The following COL18A1 variants were observed in gnomAD, a reference collection of about 807,000 sequenced individuals.
The protein encoded by COL18A1 is collagen type XVIII alpha 1 chain, also known as collagen alpha-1(XVIII) chain.
Under a neutral mutation model 168.0 loss-of-function variants are expected in COL18A1, and 133 were observed. The ratio of observed to expected loss-of-function variants is 0.79; its 90% CI spans 0.69 to 0.91. COL18A1 has a LOEUF of 0.91. COL18A1 is among the 40% of genes least tolerant of loss of function. The pLI is 0.00. For synonymous variants in COL18A1, 949 were observed against 809.0 expected (o/e 1.17, Z -2.94); for missense variants, 2,126 against 1,925.4 (o/e 1.10, Z -1.95).
chr21:45,482,228 G>T (rs950895682), intron 14 of COL18A1: 8 of 623,896 alleles, frequency 1.3e-5, no homozygotes, highest in Non-Finnish European at 2.3e-5. Flanking sequence ...ACCCTGTGAT[G>T]ATGAGTGGAC....
rs1290620627 is a variant in COL18A1, at chr21:45,453,943, G to A, written c.107-14299G>A. Among the ~76,000 whole-genome samples the A allele has an allele frequency of 2.6e-5, 4 of 152,198 alleles. 1 individual carries two copies. The highest frequency in any genetic ancestry group is 1.3e-4 in the Admixed American group (2 of 15,286). ...GAGCCTTCGGGATGGGGCTGGGGGT[G>A]TCCCCCACAACAGAGTTCCCTTCCT... is the stretch of plus-strand genomic sequence containing the variant. On this transcript the variant is annotated intron_variant, in intron 2 of 41. Coordinates refer to ENST00000651438, the MANE Select transcript of COL18A1 (RefSeq NM_001379500.1).
chr21:45,487,071 T>G, intron 16 of COL18A1, 79 bp downstream of exon 16: 1 of 1,344,714 alleles, frequency 7.4e-7, no homozygotes, highest in Non-Finnish European at 9.9e-7. Flanking sequence ...GGCATCTCAC[T>G]CACAGAGCAG....
chr21:45,456,722 G>A (rs892435081), intron 2 of COL18A1: 81 of 1,533,506 alleles, frequency 5.3e-5, no homozygotes, highest in Non-Finnish European at 6.6e-5. Flanking sequence ...CCCCCCATGC[G>A]GCAGCGTCCC....
intron 7 of COL18A1, 61 bp from the exon 8 acceptor site, chr21:45,477,689 A>G: frequency 6.9e-7 from 1 of 1,439,544 alleles, no homozygotes; most frequent in Non-Finnish European, 9.4e-7. Context: ...GCAGCGGGAC[A>G]CGTGGGCAGG....
rs770863635 is a variant in COL18A1 at position 45,503,996 on chromosome 21, G to T, written c.2684-15G>T. On this transcript the variant is annotated splice_polypyrimidine_tract_variant and intron_variant, in intron 32 of 41. Transcript: ENST00000651438. ...ACACCACCTCAGCGAGACCCCGCCT[G>T]TCTCTCTCTTGCAGGGCAGTTTCCG... 1 of 1,613,608 alleles carries T rather than the reference G, an allele frequency of 6.2e-7. No homozygotes were observed.
chr21:45,451,413 C>T (rs945989928), intron 2 of COL18A1, among the ~76,000 whole-genome samples: 1 of 152,168 alleles, frequency 6.6e-6, no homozygotes, highest in Non-Finnish European at 1.5e-5. Context: ...TAACTGAGAG[C>T]CAGAGAAAGG....
intron 2 of COL18A1, chr21:45,456,304 C>T (rs1297071696): frequency 1.3e-6 from 2 of 1,554,088 alleles, no homozygotes; most frequent in South Asian, 2.4e-5. Context: ...CTGACGTCCG[C>T]CTGCGCACGC....
At chr21:45,497,914 C>A in intron 32 of COL18A1, 1 of 609,292 alleles carries the variant, frequency 1.6e-6, no homozygotes, top group East Asian at 2.7e-5. Context: ...AGATGGCTGC[C>A]CTTCCATGCT....
intron 15 of COL18A1, among the ~76,000 whole-genome samples, chr21:45,485,755 G>A (rs1203096506): frequency 6.6e-6 from 1 of 152,192 alleles, no homozygotes; most frequent in East Asian, 1.9e-4. Context: ...GCTCTGGCTT[G>A]GAGGCCCAGC....
At chr21:45,491,454 C>T (rs1057432437) in intron 22 of COL18A1, 140 bp downstream of exon 22, 17 of 496,894 alleles carry the variant, frequency 3.4e-5, no homozygotes, top group African/African-American at 2.8e-4. Flanking sequence ...TCCACCTCCT[C>T]GGTGGGGGCT....
intron 2 of COL18A1, among the ~76,000 whole-genome samples, chr21:45,414,759 C>T (rs2033394697): frequency 6.6e-6 from 1 of 152,242 alleles, no homozygotes; most frequent in Non-Finnish European, 1.5e-5. Context: ...TTTATGCTTC[C>T]ACTTCCGATC....
At position 45,491,205 on chromosome 21, in the gene COL18A1, C is replaced by T. The variant is rs371759908; in HGVS notation, c.2068-20C>T. On this transcript the variant is annotated intron_variant, in intron 21 of 41. Transcript: ENST00000651438. ...AGAGCGGTTGAGATGAAATGCCGGACGCGTGGCCTCCTCTTCCAGGGAGAT... is the reference window on the plus strand; with the variant it reads ...AGAGCGGTTGAGATGAAATGCCGGATGCGTGGCCTCCTCTTCCAGGGAGAT... The T allele has an allele frequency of 2.9e-5, 46 of 1,596,712 alleles. 1 individual carries two copies. The highest frequency in any genetic ancestry group is 2.4e-4 in the South Asian group (22 of 90,740).
chr21:45,415,347 C>A (rs1032967038), intron 2 of COL18A1, among the ~76,000 whole-genome samples: 1 of 152,166 alleles, frequency 6.6e-6, no homozygotes, highest in Non-Finnish European at 1.5e-5. Flanking sequence ...GATGAGTCCT[C>A]GGCCTTCGGA....
At position 45,480,496 on chromosome 21, in the gene COL18A1, C is replaced by T. The variant is rs2236467; in HGVS notation, c.1428C>T (p.Phe476=). ...TCATTGACATGGAGGGATCTGGCTTCGGGGGCGATCTGGAGGCCCTGCGGG... is the reference window on the plus strand; with the variant it reads ...TCATTGACATGGAGGGATCTGGCTTTGGGGGCGATCTGGAGGCCCTGCGGG... ...LTFIDMEGSG[F]GGDLEALRGP... is the part of the protein sequence containing the mutation. Residue 476 remains phenylalanine (F), a synonymous_variant, in exon 12 of 42, where the codon TTC becomes TTT. Coordinates refer to ENST00000651438, the MANE Select transcript of COL18A1 (RefSeq NM_001379500.1). The T allele has an allele frequency of 0.079, 127,087 of 1,614,008 alleles. 7,121 individuals carry two copies. Among genetic ancestry groups the T allele is most frequent in the African/African-American group, 0.27 (20,313 of 74,952 alleles).
chr21:45,459,513 G>A (rs929870845), intron 2 of COL18A1, among the ~76,000 whole-genome samples: 13 of 152,222 alleles, frequency 8.5e-5, no homozygotes, highest in African/African-American at 2.4e-4. Flanking sequence ...CCTCCACCTC[G>A]TCCTGGGCAC....
At chr21:45,428,631 C>T (rs1427731443) in intron 2 of COL18A1, among the ~76,000 whole-genome samples, 1 of 152,206 alleles carries the variant, frequency 6.6e-6, no homozygotes, top group Non-Finnish European at 1.5e-5. Context: ...GCAGCCACCG[C>T]CCGGCCCCAA....
At chr21:45,504,686 A>G (rs911673694) in intron 34 of COL18A1, 130 bp downstream of exon 34, 13 of 790,138 alleles carry the variant, frequency 1.6e-5, no homozygotes, top group South Asian at 1.4e-4. Context: ...CAGCCCCGAC[A>G]TGTCCCTGTC....
intron 8 of COL18A1, 88 bp from the exon 9 acceptor site, chr21:45,478,239 G>T: frequency 6.4e-7 from 1 of 1,571,804 alleles, no homozygotes; most frequent in Non-Finnish European, 8.8e-7. Context: ...GTGGGGACTT[G>T]GAGCGTGGGG....
chr21:45,495,949 C>T (rs1473300321), intron 29 of COL18A1: 2 of 328,454 alleles, frequency 6.1e-6, no homozygotes, highest in Non-Finnish European at 6.0e-6. Flanking sequence ...CATGTATACT[C>T]ATGCACACAT....
Sources: gnomAD v4.1 joint callset for allele counts (sites outside exome capture counted in the v4.1 genomes callset) on GRCh38, gnomAD v4.1.1 for gene constraint, MANE v1.5 for transcripts, NCBI Gene and HGNC (gene_info 2026-07-23, HGNC 2026-07-21) for gene names.